HDLBP: variants seen among roughly 807,000 people sequenced by gnomAD.
The protein encoded by HDLBP is vigilin.
Under a neutral mutation model 137.3 loss-of-function variants are expected in HDLBP, and 30 were observed. That is an observed-to-expected ratio of 0.22 (90% CI 0.16 to 0.30). The LOEUF (loss-of-function observed/expected upper bound fraction) is 0.30. Among genes scored for constraint, HDLBP ranks in the 10% least tolerant of loss-of-function variants. The pLI is 1.00. For synonymous variants in HDLBP, 606 were observed against 596.0 expected, an observed-to-expected ratio of 1.02 and a Z score of -0.24; for missense variants, 1,119 against 1,667.3, an observed-to-expected ratio of 0.67 and a Z score of 5.73.
intron 1 of HDLBP, among the ~76,000 whole-genome samples, chr2:241,277,415 C>T (rs1000504712): frequency 7.9e-5 from 12 of 152,204 alleles, no homozygotes; most frequent in Admixed American, 7.8e-4. Context: ...AAGACAAGTT[C>T]AATCTCTGGC....
intron 1 of HDLBP, among the ~76,000 whole-genome samples, chr2:241,287,756 G>T (rs184491015): frequency 6.6e-6 from 1 of 152,148 alleles, no homozygotes; most frequent in Non-Finnish European, 1.5e-5. Context: ...GTAACCAGTC[G>T]TGTTAAAAGA....
chr2:241,234,700 TG>T (rs898697324), intron 23 of HDLBP, among the ~76,000 whole-genome samples: 5 of 152,132 alleles, frequency 3.3e-5, no homozygotes, highest in Non-Finnish European at 5.9e-5. Flanking sequence ...TGCCAGAGGT[TG>T]GGGGGGTTTC....
chr2:241,302,028 C>T (rs1228538418), intron 1 of HDLBP, among the ~76,000 whole-genome samples: 1 of 148,156 alleles, frequency 6.7e-6, no homozygotes, highest in African/African-American at 2.5e-5. Flanking sequence ...GTCGGAAGTT[C>T]AAGATCAGCT....
chr2:241,296,177 G>A (rs2075175943), intron 1 of HDLBP, among the ~76,000 whole-genome samples: 1 of 151,822 alleles, frequency 6.6e-6, no homozygotes, highest in African/African-American at 2.4e-5. Context: ...TTAGCACTTG[G>A]TGTTACTGGC....
intron 11 of HDLBP, among the ~76,000 whole-genome samples, chr2:241,252,051 G>A (rs956616332): frequency 6.6e-6 from 1 of 152,192 alleles, no homozygotes; most frequent in African/African-American, 2.4e-5. Flanking sequence ...ACAGCATCCT[G>A]TAACTGTGCT....
chr2:241,238,782 A>G lies in HDLBP; in HGVS notation c.2616T>C (p.Ala872=). The G allele has an allele frequency of 1.3e-6, 2 of 1,503,734 alleles. No individual in the cohort carries two copies. Among genetic ancestry groups the G allele is most frequent in the Non-Finnish European group, 1.8e-6 (2 of 1,115,428 alleles). 93.1% of individuals were successfully genotyped at this position (1,503,734 alleles called of 1,614,324 possible). Residue 872 remains alanine, a synonymous_variant, in exon 20 of 28, where the codon GCT becomes GCC. Coordinates refer to ENST00000310931, the MANE Select transcript of HDLBP (RefSeq NM_005336.6). The surrounding 1 kb of genome is among the most constrained non-coding windows in gnomAD (Gnocchi z 4.9). The part of the protein sequence containing the change: ...RIQEIIEDLE[A]QVTLECAIPQ... ...GTATAGCACATTCTAATGTCACCTG[A>G]GCTTCCTGGAGGGAGGTACACAAAG...
intron 1 of HDLBP, among the ~76,000 whole-genome samples, chr2:241,277,906 G>T (rs1575008246): frequency 6.6e-6 from 1 of 151,842 alleles, no homozygotes; most frequent in African/African-American, 2.4e-5. Flanking sequence ...GGTTGCCGTG[G>T]GCCGAGACCA....
intron 5 of HDLBP, among the ~76,000 whole-genome samples, chr2:241,260,574 G>A (rs1458849872): frequency 1.3e-5 from 2 of 152,232 alleles, no homozygotes; most frequent in Non-Finnish European, 2.9e-5. Flanking sequence ...TGAGCAGGGA[G>A]AGAATTAGAA....
intron 1 of HDLBP, among the ~76,000 whole-genome samples, chr2:241,288,180 A>G (rs1370717046): frequency 6.6e-6 from 1 of 152,326 alleles, no homozygotes; most frequent in African/African-American, 2.4e-5. Context: ...GAGTCACAAA[A>G]TTTATTTTCT....
chr2:241,248,770 A>G (rs2071879060), intron 12 of HDLBP, among the ~76,000 whole-genome samples: 1 of 152,102 alleles, frequency 6.6e-6, no homozygotes, highest in Non-Finnish European at 1.5e-5. Context: ...CCTTCTGAAC[A>G]GAGGGTGGCT....
chr2:241,245,932 A>G (rs2071634520), intron 16 of HDLBP, among the ~76,000 whole-genome samples: 1 of 152,234 alleles, frequency 6.6e-6, no homozygotes, highest in Non-Finnish European at 1.5e-5. Context: ...GTCAGTATTG[A>G]CAGCAAAAGG....
At chr2:241,289,879 A>G (rs1282319905) in intron 1 of HDLBP, among the ~76,000 whole-genome samples, 3 of 152,184 alleles carry the variant, frequency 2.0e-5, no homozygotes, top group South Asian at 4.1e-4. Flanking sequence ...TTAGATAAAA[A>G]GGAAACTCCA....
At chr2:241,296,384 T>A (rs957851282) in intron 1 of HDLBP, among the ~76,000 whole-genome samples, 1 of 152,150 alleles carries the variant, frequency 6.6e-6, no homozygotes, top group East Asian at 1.9e-4. Flanking sequence ...ATGTAAACAA[T>A]CAAACCCTGA....
intron 9 of HDLBP, among the ~76,000 whole-genome samples, chr2:241,254,053 G>A (rs1473380464): frequency 6.6e-6 from 1 of 152,096 alleles, no homozygotes; most frequent in East Asian, 1.9e-4. Context: ...GGGAGGCTGA[G>A]GTAGGAGGAC....
chr2:241,242,438 C>A, intron 17 of HDLBP, 22 bp downstream of exon 17: 2 of 1,602,260 alleles, frequency 1.2e-6, no homozygotes, highest in South Asian at 2.2e-5. Flanking sequence ...TGCCAAGAGT[C>A]ACGCTCCCTC....
chr2:241,264,456 T>C lies in HDLBP; in HGVS notation c.226A>G (p.Ile76Val). The C allele has an allele frequency of 6.2e-7, 1 of 1,610,522 alleles. No homozygotes were observed. Among genetic ancestry groups the C allele is most frequent in the Non-Finnish European group, 8.5e-7 (1 of 1,177,410 alleles). ...AAGAATGGTGTTTCTACCTGAGTGA[T>C]GACAGAAGCCTTGATGGGTCGGATC... ...NKIRPIKASV[I>V]TQVFHVPLEE... The change falls in exon 4 of 28, where the codon ATC becomes GTC. Residue 76 changes from isoleucine (I) to valine (V), a missense_variant. Coordinates refer to ENST00000310931, the MANE Select transcript of HDLBP (RefSeq NM_005336.6).
chr2:241,292,468 C>G (rs2149659183), intron 1 of HDLBP, among the ~76,000 whole-genome samples: 1 of 152,304 alleles, frequency 6.6e-6, no homozygotes, highest in South Asian at 2.1e-4. Context: ...GATTTCAATT[C>G]AAGCAAACAA....
chr2:241,286,568 A>G (rs2074818133), intron 1 of HDLBP, among the ~76,000 whole-genome samples: 1 of 152,126 alleles, frequency 6.6e-6, no homozygotes, highest in African/African-American at 2.4e-5. Flanking sequence ...TTCGTCCTGT[A>G]TATGCTGACT....
At position 241,246,831 on chromosome 2, in the gene HDLBP, G is replaced by C; in HGVS notation, c.1871C>G (p.Ser624Ter). ...CTTGCCTGTGATGATAATGGTCTCT[G>C]AATTGCTATTCTCTGCTGGAAGGTC... The part of the protein sequence containing the change: ...KIDLPAENSN[S>*]ETIIITGKRA... Residue 624 changes from serine to a stop codon, truncating the protein, a stop_gained, in exon 16 of 28, where the codon TCA becomes TGA. Transcript: ENST00000310931. LOFTEE classifies it high-confidence loss of function. The C allele has an allele frequency of 6.2e-7, 1 of 1,614,058 alleles. No homozygotes were observed. Among genetic ancestry groups the C allele is most frequent in the Non-Finnish European group, 8.5e-7 (1 of 1,179,890 alleles).
Sources: allele counts gnomAD v4.1 joint callset (sites outside exome capture counted in the v4.1 genomes callset), GRCh38; gene constraint gnomAD v4.1.1; non-coding constraint Gnocchi (gnomAD v3.1); transcripts MANE v1.5; gene names NCBI Gene and HGNC (gene_info 2026-07-23, HGNC 2026-07-21).